The following STAG3 variants were observed in gnomAD, a reference collection of about 807,000 sequenced individuals.
STAG3 encodes the protein cohesin subunit SA-3.
In STAG3, 101 loss-of-function variants were observed where a neutral mutation model predicts 160.7. The ratio of observed to expected loss-of-function variants is 0.63; its 90% CI spans 0.54 to 0.74. The LOEUF (loss-of-function observed/expected upper bound fraction) is 0.74. Among genes scored for constraint, STAG3 ranks in the 30% least tolerant of loss-of-function variants. The pLI is 0.00. For synonymous variants in STAG3, 519 were observed against 585.0 expected (o/e 0.89, Z 1.63); for missense variants, 1,188 against 1,517.4 (o/e 0.78, Z 3.61).
intron 1 of STAG3, among the ~76,000 whole-genome samples, chr7:100,180,072 G>A (rs1459601592): frequency 1.3e-5 from 2 of 151,100 alleles, no homozygotes; most frequent in African/African-American, 4.9e-5. Context: ...TTTGAGGGGG[G>A]ACAGGGTCTT....
In STAG3 at chr7:100,181,816, G is replaced by A. The variant is rs150471984; in HGVS notation, c.117-274G>A. ...CTCGGGAGGCTGAGGTAGGAGAATC[G>A]CTTGAACCTGGGAGGCGGAGGTTGC... On this transcript the variant is annotated intron_variant, in intron 2 of 33. Transcript: ENST00000615138. Among the ~76,000 whole-genome samples, 161 of 150,516 alleles carry A rather than the reference G, an allele frequency of 1.1e-3. 1 individual carries two copies. Among genetic ancestry groups the A allele is most frequent in the African/African-American group, 3.6e-3 (147 of 41,054 alleles).
At position 100,202,555 on chromosome 7, in the gene STAG3, G is replaced by A. The variant is rs1304398528; in HGVS notation, c.2665G>A (p.Asp889Asn). ...GTTGCTTTATGGGGTGCTGGAGATG[G>A]ATGCAGCCTCAGATGTTTTCAAACA... Reference protein sequence around the residue: ...KLLLYGVLEMDAASDVFKHYN... With the variant: ...KLLLYGVLEMNAASDVFKHYN... The change falls in exon 25 of 34, where the codon GAT becomes AAT. Residue 889 changes from aspartate to asparagine, a missense_variant. This residue lies in a region of STAG3 where 647 missense variants were observed against 717.2 expected (regional missense o/e 0.90). Coordinates refer to ENST00000615138, the MANE Select transcript of STAG3 (RefSeq NM_001282717.2). 2 of 1,614,058 alleles carry A rather than the reference G, an allele frequency of 1.2e-6. No individual in the cohort carries two copies. The highest frequency in any genetic ancestry group is 1.7e-5 in the Admixed American group (1 of 60,024).
At chr7:100,180,878 C>CTT in intron 2 of STAG3, 12 of 356,752 alleles carry the variant, frequency 3.4e-5, no homozygotes, top group Admixed American at 4.6e-5. Flanking sequence ...GTAGTACATC[C>CTT]TGTTTTTTTT....
Position 100,214,219 on chromosome 7 carries a change from C to T in STAG3, c.*204C>T, listed in dbSNP as rs1465304143. On this transcript the variant is annotated 3_prime_UTR_variant, in exon 34 of 34. Transcript: ENST00000615138. ...GAGAGACCCTGTCCTCCCTAATGCACTGTGGCCCAGTCCCCTTGCCTTTTT... is the reference window on the plus strand; with the variant it reads ...GAGAGACCCTGTCCTCCCTAATGCATTGTGGCCCAGTCCCCTTGCCTTTTT... 3.2e-5 allele frequency: 20 copies of T among 632,152 alleles called. No homozygotes were observed. The highest frequency in any genetic ancestry group is 5.5e-5 in the African/African-American group (3 of 54,494). The allele number at this position is 632,152 out of a possible 1,614,324, so 39.2% of individuals were successfully genotyped here. A position where few individuals can be genotyped will look rare whatever the true frequency, so the allele number is the denominator to read the frequency against.
rs1486950784 is a variant in STAG3 at position 100,202,565 on chromosome 7, C to T, written c.2675C>T (p.Ser892Leu). ...LYGVLEMDAA[S>L]DVFKHYNKFY... ...GGGGTGCTGGAGATGGATGCAGCCT[C>T]AGATGTTTTCAAACACTACAACAAG... The change falls in exon 25 of 34, where the codon TCA becomes TTA. Residue 892 changes from serine to leucine, a missense_variant. Coordinates refer to ENST00000615138, the MANE Select transcript of STAG3 (RefSeq NM_001282717.2). 1 of 1,613,828 alleles carries T rather than the reference C, an allele frequency of 6.2e-7. No individual in the cohort carries two copies.
chr7:100,209,874 G>A (rs779802658), intron 29 of STAG3, among the ~76,000 whole-genome samples: 6 of 152,186 alleles, frequency 3.9e-5, no homozygotes, highest in Non-Finnish European at 8.8e-5. Flanking sequence ...TCTGAGATGG[G>A]GAAGGCAGAG....
At chr7:100,209,962 T>C (rs942621751) in intron 29 of STAG3, among the ~76,000 whole-genome samples, 2 of 152,028 alleles carry the variant, frequency 1.3e-5, no homozygotes, top group Non-Finnish European at 2.9e-5. Flanking sequence ...GAACAAACCA[T>C]GGGGGCTGTT....
At chr7:100,216,653 T>G, downstream of STAG3, among the ~76,000 whole-genome samples, 1 of 151,486 alleles carries the variant, frequency 6.6e-6, no homozygotes, top group East Asian at 1.9e-4. Context: ...ACAACAAAAT[T>G]AGCTGGGTGT....
chr7:100,201,429 T>C, intron 21 of STAG3, 78 bp downstream of exon 21: 1 of 1,311,172 alleles, frequency 7.6e-7, no homozygotes, highest in South Asian at 1.2e-5. Flanking sequence ...GGCCACTAGG[T>C]GTGTCAAGTC....
chr7:100,197,498 G>C, intron 10 of STAG3: 1 of 719,598 alleles, frequency 1.4e-6, no homozygotes, highest in Non-Finnish European at 2.4e-6. Context: ...CCTGAGGTAC[G>C]GGGAGAGAGA....
intron 29 of STAG3, among the ~76,000 whole-genome samples, chr7:100,208,725 T>C (rs1468918507): frequency 1.3e-5 from 2 of 152,214 alleles, no homozygotes; most frequent in East Asian, 3.8e-4. Flanking sequence ...CACCGTGTGC[T>C]GGGAATACAG....
At chr7:100,186,563 A>T (rs956105548) in intron 5 of STAG3, among the ~76,000 whole-genome samples, 1 of 152,096 alleles carries the variant, frequency 6.6e-6, no homozygotes, top group Non-Finnish European at 1.5e-5. Flanking sequence ...AAATACAAAA[A>T]ATTATCTGGG....
intron 27 of STAG3, 102 bp from the exon 28 acceptor site, chr7:100,204,903 A>G: frequency 6.4e-7 from 1 of 1,572,722 alleles, no homozygotes; most frequent in South Asian, 1.2e-5. Context: ...GCCTTTGGAG[A>G]CAAGCTGGGG....
chr7:100,218,960 T>G (rs1563024028), downstream of STAG3: 1 of 158,254 alleles, frequency 6.3e-6, no homozygotes, highest in East Asian at 1.9e-4. Context: ...GGCAGAGAAA[T>G]AAGAAGAGTT....
chr7:100,184,015 C>T (rs1016528439), intron 4 of STAG3, among the ~76,000 whole-genome samples: 1 of 152,152 alleles, frequency 6.6e-6, no homozygotes, highest in Non-Finnish European at 1.5e-5. Context: ...CCTGTGATCC[C>T]AGCACTTGGG....
intron 9 of STAG3, among the ~76,000 whole-genome samples, chr7:100,196,311 C>T (rs543243689): frequency 6.6e-6 from 1 of 151,506 alleles, no homozygotes; most frequent in East Asian, 2.0e-4. Context: ...GACGGAGTCT[C>T]ACTGTGTTGC....
At chr7:100,192,552 A>G (rs1291704617) in intron 8 of STAG3, among the ~76,000 whole-genome samples, 1 of 152,076 alleles carries the variant, frequency 6.6e-6, no homozygotes, top group Non-Finnish European at 1.5e-5. Flanking sequence ...ATAAGATAAA[A>G]TGGTGAATCC....
At chr7:100,196,282 CTT>C (rs1297771936) in intron 9 of STAG3, among the ~76,000 whole-genome samples, 2 of 147,280 alleles carry the variant, frequency 1.4e-5, no homozygotes, top group African/African-American at 5.0e-5. Flanking sequence ...GTTGAATTAA[CTT>C]TTTTTTTTTT....
At chr7:100,194,130 A>G (rs1200002752) in intron 8 of STAG3, among the ~76,000 whole-genome samples, 2 of 151,820 alleles carry the variant, frequency 1.3e-5, no homozygotes, top group Non-Finnish European at 2.9e-5. Context: ...TGTTTTTAGT[A>G]GAGACGGGGT....
Sources: gnomAD v4.1 joint callset for allele counts (sites outside exome capture counted in the v4.1 genomes callset) on GRCh38, gnomAD v4.1.1 for gene constraint, gnomAD v4.1.1 regional missense constraint, MANE v1.5 for transcripts, NCBI Gene and HGNC (gene_info 2026-07-23, HGNC 2026-07-21) for gene names.